WDR81: variants seen among roughly 807,000 people sequenced by gnomAD.
WDR81 encodes the protein WD repeat domain 81.
Under a neutral mutation model 140.8 loss-of-function variants are expected in WDR81, and 92 were observed. The observed-to-expected ratio is 0.65, with a 90% CI of 0.55 to 0.78. The LOEUF (loss-of-function observed/expected upper bound fraction) is 0.78, where lower values mean the gene tolerates loss of function less well. Among genes scored for constraint, WDR81 ranks in the 30% least tolerant of loss-of-function variants. The probability of loss-of-function intolerance (pLI) is 0.00; values close to 1 mark genes in which losing one functional copy is unlikely to be tolerated. For synonymous variants in WDR81, 1,183 were observed against 1,156.4 expected (o/e 1.02, Z -0.47); for missense variants, 2,502 against 2,636.4 (o/e 0.95, Z 1.12).
rs373882903 is a variant in WDR81, at chr17:1,730,952, C to T, written c.3966+7C>T. On this transcript the variant is annotated splice_region_variant and intron_variant, in intron 3 of 9. Coordinates refer to ENST00000409644, the MANE Select transcript of WDR81 (RefSeq NM_001163809.2). ...GCCCTACATCAGCTACCTGGTCAGT[C>T]GCTGGTTTGGCAGGCCCGGGGCTGG... The T allele has an allele frequency of 1.6e-5, 25 of 1,612,042 alleles. No individual in the cohort carries two copies. The highest frequency in any genetic ancestry group is 1.6e-4 in the Middle Eastern group (1 of 6,078).
In WDR81 at chr17:1,727,663, G is replaced by C; in HGVS notation, c.2704G>C (p.Val902Leu). The C allele has an allele frequency of 6.4e-7, 1 of 1,550,600 alleles. No individual in the cohort carries two copies. Among genetic ancestry groups the C allele is most frequent in the Non-Finnish European group, 8.7e-7 (1 of 1,147,024 alleles). Residue 902 changes from valine to leucine, a missense_variant, in exon 1 of 10, where the codon GTG (valine) becomes CTG (leucine). Around this residue, in one of 3 missense-constraint regions of WDR81, gnomAD observed 1,737 missense variants for 1,843.0 expected, o/e 0.94. Transcript: ENST00000409644. The part of the protein sequence containing the change: ...VEDEAQGREL[V>L]FALWQQLGAV... The stretch of plus-strand genomic sequence containing the variant: ...GGACGAGGCCCAGGGGCGCGAGCTG[G>C]TGTTTGCTCTGTGGCAGCAGCTGGG...
intron 1 of WDR81, chr17:1,716,707 T>C: frequency 6.7e-7 from 1 of 1,502,736 alleles, no homozygotes; most frequent in East Asian, 2.5e-5. Flanking sequence ...CCCCTCCTTG[T>C]TGGAGTCGTG....
chr17:1,718,017 G>A (rs1251035820), intron 1 of WDR81, among the ~76,000 whole-genome samples: 4 of 152,094 alleles, frequency 2.6e-5, no homozygotes, highest in African/African-American at 2.4e-5. Context: ...CAGGCCAGCC[G>A]CCCCCTACTT....
Position 1,732,428 on chromosome 17 carries a change from C to G in WDR81, c.4261C>G (p.Leu1421Val). The G allele has an allele frequency of 6.2e-7, 1 of 1,613,586 alleles. No individual in the cohort carries two copies. The highest frequency in any genetic ancestry group is 1.1e-5 in the South Asian group (1 of 91,076). Residue 1421 changes from leucine to valine, a missense_variant, in exon 5 of 10, where the codon CTG becomes GTG. By Grantham distance (32) the Leu-to-Val change is conservative. Around this residue, in one of 3 missense-constraint regions of WDR81, gnomAD observed 1,737 missense variants for 1,843.0 expected, o/e 0.94. Transcript: ENST00000409644. ...TGGACAGGAGATGGTCCAGCAGCAC[C>G]TGAGCGAGCCCGTGGCCACCTTTTT... Reference protein sequence around the residue: ...RIGQEMVQQHLSEPVATFFQV... With the variant: ...RIGQEMVQQHVSEPVATFFQV...
chr17:1,730,551 G>C, intron 2 of WDR81, 64 bp downstream of exon 2: 8 of 1,518,044 alleles, frequency 5.3e-6, no homozygotes, highest in Non-Finnish European at 7.2e-6. Flanking sequence ...CCTAGCTTCA[G>C]CGCTCTCCGG....
intron 1 of WDR81, chr17:1,716,679 GTCC>G: frequency 6.5e-7 from 1 of 1,546,714 alleles, no homozygotes; most frequent in Non-Finnish European, 8.7e-7. Context: ...GCCCGGGGAA[GTCC>G]TTAAAGGGCG....
chr17:1,726,240 C>T lies in WDR81; in HGVS notation c.1281C>T (p.Gly427=), dbSNP rs996180426. 30 of 1,531,182 alleles carry T rather than the reference C, an allele frequency of 2.0e-5. No homozygotes were observed. Among genetic ancestry groups the T allele is most frequent in the African/African-American group, 6.9e-5 (5 of 72,836 alleles). The allele number at this position is 1,531,182 out of a possible 1,614,324, so 94.8% of individuals were successfully genotyped here. ...TGACACGGCAGGCATTCGTAGCAGG[C>T]GGGGCGGGCGGCGGGGAACCCCCTC... The part of the protein sequence containing the change: ...YEMTRQAFVA[G]GAGGGEPPHV... Residue 427 remains glycine, a synonymous_variant, in exon 1 of 10, where the codon GGC becomes GGT. Transcript: ENST00000409644.
chr17:1,725,842 C>G lies in WDR81; in HGVS notation c.883C>G (p.Leu295Val), dbSNP rs1915205787. 2 of 1,550,594 alleles carry G rather than the reference C, an allele frequency of 1.3e-6. No homozygotes were observed. Among genetic ancestry groups the G allele is most frequent in the African/African-American group, 2.7e-5 (2 of 73,062 alleles). The change falls in exon 1 of 10, where the codon CTT becomes GTT. Residue 295 changes from leucine (L) to valine (V), a missense_variant. Leu to Val is a conservative substitution (Grantham distance 32). Around this residue, in one of 3 missense-constraint regions of WDR81, gnomAD observed 547 missense variants for 513.8 expected, o/e 1.06. Transcript: ENST00000409644. ...SLYHIAVDEK[L>V]CSELRLDLSA... ...GTATCACATCGCAGTGGATGAGAAG[C>G]TTTGCAGCGAGCTGCGACTGGACCT... is the stretch of plus-strand genomic sequence containing the variant.
upstream of WDR81, among the ~76,000 whole-genome samples, chr17:1,723,545 G>A (rs1018260357): frequency 1.3e-5 from 2 of 148,964 alleles, no homozygotes; most frequent in Admixed American, 6.7e-5. Flanking sequence ...GAGTACAGTG[G>A]CGCCATCTCG....
At chr17:1,718,871 A>G (rs538251130) in intron 1 of WDR81, among the ~76,000 whole-genome samples, 1 of 152,268 alleles carries the variant, frequency 6.6e-6, no homozygotes, top group East Asian at 1.9e-4. Context: ...CTAGGTCAAA[A>G]GCACAGGCTT....
chr17:1,738,498 A>T lies in WDR81; in HGVS notation c.*813A>T, dbSNP rs757753213. 6.5e-6 allele frequency: 1 copy of T among 152,736 alleles called. No individual in the cohort carries two copies. Among genetic ancestry groups the T allele is most frequent in the African/African-American group, 2.4e-5 (1 of 41,456 alleles). 9.5% of individuals were successfully genotyped at this position (152,736 alleles called of 1,614,324 possible). On this transcript the variant is annotated 3_prime_UTR_variant, in exon 10 of 10. Transcript: ENST00000409644. ...ATCCCTGCGACCTCACATTCTAGAC[A>T]GAGATGAGGTCCAGGGGTTGGCCCC... is the stretch of plus-strand genomic sequence containing the variant.
Position 1,733,916 on chromosome 17 carries a change from G to A in WDR81, c.4879G>A (p.Val1627Met), listed in dbSNP as rs376807220. ...GGCGTACTGGCAGTACGAGATCGGC[G>A]TGAGCCAGCAGGATGCCCACTTTCA... ...WLAYWQYEIG[V>M]SQQDAHFHFH... Residue 1627 changes from valine to methionine, a missense_variant, in exon 7 of 10, where the codon GTG becomes ATG. By Grantham distance (21) the Val-to-Met change is conservative. Transcript: ENST00000409644. The A allele has an allele frequency of 3.2e-5, 51 of 1,612,674 alleles. No individual in the cohort carries two copies. The highest frequency in any genetic ancestry group is 5.3e-5 in the African/African-American group (4 of 74,942).
chr17:1,725,961 G>T lies in WDR81; in HGVS notation c.1002G>T (p.Gly334=). The change falls in exon 1 of 10, where the codon GGG becomes GGT. Residue 334 remains glycine, a synonymous_variant. Transcript: ENST00000409644. ...AGIVSQEEQG[G]QPGQPTGQEE... The stretch of plus-strand genomic sequence containing the variant: ...TTGTGTCTCAAGAGGAGCAGGGAGG[G>T]CAACCTGGGCAACCCACTGGCCAGG... 1 of 1,550,514 alleles carries T rather than the reference G, an allele frequency of 6.4e-7. No individual in the cohort carries two copies.
chr17:1,730,600 GCCAGGTGCTGGGTC>G (rs1915628427), intron 2 of WDR81, 113 bp downstream of exon 2: 4 of 1,406,178 alleles, frequency 2.8e-6, no homozygotes, highest in Non-Finnish European at 3.8e-6. Context: ...CCACCCCCCG[GCCAGGTGCTGGGTC>G]CCAGTCTAAG....
Position 1,727,426 on chromosome 17 carries a change from G to C in WDR81, c.2467G>C (p.Asp823His), listed in dbSNP as rs1304065708. Residue 823 changes from aspartate to histidine, a missense_variant, in exon 1 of 10, where the codon GAC (aspartate) becomes CAC (histidine). By Grantham distance (81) the Asp-to-His change is moderately conservative (BLOSUM62 -1). This residue lies in a region of WDR81 where 1,737 missense variants were observed against 1,843.0 expected (regional missense o/e 0.94). Transcript: ENST00000409644. Reference sequence around the variant, plus strand: ...CCCTGTGTCTTTGCAGCCCGTGCTGGACACACTCCTGCAGATGAGTGGCCC... The same window carrying C: ...CCCTGTGTCTTTGCAGCCCGTGCTGCACACACTCCTGCAGATGAGTGGCCC... ...EVPVSLQPVL[D>H]TLLQMSGPEV... The C allele has an allele frequency of 6.4e-7, 1 of 1,550,410 alleles. No homozygotes were observed. The highest frequency in any genetic ancestry group is 2.0e-5 in the Admixed American group (1 of 51,010).
At chr17:1,716,817 C>A in intron 1 of WDR81, 1 of 684,898 alleles carries the variant, frequency 1.5e-6, no homozygotes, top group Non-Finnish European at 2.4e-6. Flanking sequence ...CAGGAGTGGG[C>A]AGAGCGTCAG....
At position 1,728,466 on chromosome 17, in the gene WDR81, G is replaced by T; in HGVS notation, c.3507G>T (p.Glu1169Asp). 6.2e-7 allele frequency: 1 copy of T among 1,609,716 alleles called. No homozygotes were observed. The highest frequency in any genetic ancestry group is 8.5e-7 in the Non-Finnish European group (1 of 1,177,588). The change falls in exon 1 of 10, where the codon GAG becomes GAT. Residue 1169 changes from glutamate to aspartate, a missense_variant. By Grantham distance (45) the Glu-to-Asp change is conservative. Coordinates refer to ENST00000409644, the MANE Select transcript of WDR81 (RefSeq NM_001163809.2). ...EDSCVVLEEE[E>D]GEQEEVTGAS... Reference sequence around the variant, plus strand: ...GCTGCGTGGTGCTAGAGGAGGAGGAGGGGGAGCAGGAGGAGGTCACCGGGG... The same window carrying T: ...GCTGCGTGGTGCTAGAGGAGGAGGATGGGGAGCAGGAGGAGGTCACCGGGG...
At chr17:1,732,583 A>G in intron 5 of WDR81, 83 bp from the exon 6 acceptor site, 1 of 1,570,680 alleles carries the variant, frequency 6.4e-7, no homozygotes, top group Non-Finnish European at 8.6e-7. Context: ...CTGAAGCTGG[A>G]CTCCGCGGGC....
At position 1,735,457 on chromosome 17, in the gene WDR81, C is replaced by G; in HGVS notation, c.5180-115C>G. ...AAAAGAGAAACATCTTTAGCATTTT[C>G]TAAGGATCCCTGGGGGACGGGAGGC... On this transcript the variant is annotated intron_variant, in intron 7 of 9. Coordinates refer to ENST00000409644, the MANE Select transcript of WDR81 (RefSeq NM_001163809.2). The surrounding 1 kb of genome is among the most constrained non-coding windows in gnomAD (Gnocchi z 4.2). 3.6e-6 allele frequency: 4 copies of G among 1,124,854 alleles called. No individual in the cohort carries two copies. The South Asian group carries it at 7.0e-5, about 20-fold the overall frequency. The allele number at this position is 1,124,854 out of a possible 1,614,324, so 69.7% of individuals were successfully genotyped here. A position where few individuals can be genotyped will look rare whatever the true frequency, so the allele number is the denominator to read the frequency against.
Sources: gnomAD v4.1 joint callset for allele counts (sites outside exome capture counted in the v4.1 genomes callset) on GRCh38, gnomAD v4.1.1 for gene constraint, gnomAD v4.1.1 regional missense constraint, Gnocchi (gnomAD v3.1) non-coding constraint, MANE v1.5 for transcripts, NCBI Gene and HGNC (gene_info 2026-07-23, HGNC 2026-07-21) for gene names.